Variants in NAA35 observed in about 807,000 individuals in gnomAD.
NAA35 encodes the protein N-alpha-acetyltransferase 35, NatC auxiliary subunit.
Under a neutral mutation model 101.7 loss-of-function variants are expected in NAA35, and 18 were observed. The observed-to-expected ratio is 0.18, with a 90% CI of 0.12 to 0.26. NAA35 has a LOEUF of 0.26. NAA35 is among the 10% of genes least tolerant of loss of function. NAA35 has a pLI of 1.00. For synonymous variants in NAA35, 267 were observed against 273.1 expected, an observed-to-expected ratio of 0.98 and a Z score of 0.22; for missense variants, 601 against 886.8, an observed-to-expected ratio of 0.68 and a Z score of 4.09.
intron 15 of NAA35, among the ~76,000 whole-genome samples, chr9:86,010,431 C>G (rs972602075): frequency 3.3e-5 from 5 of 151,628 alleles, no homozygotes; most frequent in Non-Finnish European, 7.4e-5. Flanking sequence ...CAGAGGCAGC[C>G]TTGGATGACC....
intron 5 of NAA35, among the ~76,000 whole-genome samples, chr9:85,961,762 T>C (rs1829523984): frequency 6.6e-6 from 1 of 152,210 alleles, no homozygotes; most frequent in African/African-American, 2.4e-5. Context: ...TTTTGGATGC[T>C]ACATAAAGAG....
At chr9:86,020,501 AT>A (rs1287570263) in intron 21 of NAA35, among the ~76,000 whole-genome samples, 1 of 152,172 alleles carries the variant, frequency 6.6e-6, no homozygotes. Context: ...CTTTTATTTA[AT>A]AAAACATCAA....
At position 85,942,039 on chromosome 9, in the gene NAA35, C is replaced by T. The variant is rs944342531; in HGVS notation, c.-5-116C>T. 11 of 1,446,090 alleles carry T rather than the reference C, an allele frequency of 7.6e-6. No homozygotes were observed. In the African/African-American group the frequency reaches 1.4e-4, roughly 19 times the overall value. 89.6% of individuals were successfully genotyped at this position (1,446,090 alleles called of 1,614,324 possible). On this transcript the variant is annotated intron_variant, in intron 1 of 22. Coordinates refer to ENST00000361671, the MANE Select transcript of NAA35 (RefSeq NM_024635.4). ...TACTGTCCTTAGACTCAGAAGAGTT[C>T]TGCTTTAAAGAGTTTAGTTAAGACT...
Position 85,992,042 on chromosome 9 carries a change from C to T in NAA35, c.878-4357C>T, listed in dbSNP as rs532911767. ...ACAAAAAAACAGCCGGGTGTGGTGG[C>T]GGGCGCCTGTAGTCCCAGCTACTCA... is the stretch of plus-strand genomic sequence containing the variant. On this transcript the variant is annotated intron_variant, in intron 11 of 22. Coordinates refer to ENST00000361671, the MANE Select transcript of NAA35 (RefSeq NM_024635.4). 9.9e-5 allele frequency among the ~76,000 whole-genome samples: 15 copies of T among 152,062 alleles called. No individual in the cohort carries two copies. The South Asian group carries it at 1.9e-3, about 19-fold the overall frequency.
chr9:86,011,439 A>G (rs1337638957), intron 15 of NAA35, among the ~76,000 whole-genome samples: 1 of 149,380 alleles, frequency 6.7e-6, no homozygotes, highest in African/African-American at 2.5e-5. Flanking sequence ...GCTCACTGCA[A>G]CCTCTACCCC....
chr9:85,987,498 A>G (rs1296093022), intron 11 of NAA35, among the ~76,000 whole-genome samples: 1 of 152,232 alleles, frequency 6.6e-6, no homozygotes, highest in East Asian at 1.9e-4. Context: ...GTACTAGGCC[A>G]TGATGTGCTA....
chr9:86,009,779 C>T (rs1256826059), intron 14 of NAA35, 86 bp from the exon 15 acceptor site: 3 of 918,220 alleles, frequency 3.3e-6, no homozygotes, highest in East Asian at 5.0e-5. Context: ...TATTCACCTT[C>T]TCTGTCATTT....
intron 6 of NAA35, among the ~76,000 whole-genome samples, chr9:85,971,471 C>T (rs1190780571): frequency 2.0e-5 from 3 of 152,178 alleles, no homozygotes; most frequent in Non-Finnish European, 4.4e-5. Context: ...CCTCCCTCCT[C>T]CATAACTGTT....
intron 17 of NAA35, among the ~76,000 whole-genome samples, chr9:86,016,128 T>C (rs530017014): frequency 6.7e-6 from 1 of 149,282 alleles, no homozygotes; most frequent in Admixed American, 6.6e-5. Context: ...TTTCATTTAT[T>C]AAATAAACTC....
chr9:86,005,937 C>A (rs559631551), intron 13 of NAA35, among the ~76,000 whole-genome samples: 1 of 151,652 alleles, frequency 6.6e-6, no homozygotes. Context: ...CTTTGGGAGG[C>A]GGAGGTGGTT....
chr9:86,020,838 A>T, intron 21 of NAA35, 51 bp from the exon 22 acceptor site: 2 of 1,459,350 alleles, frequency 1.4e-6, no homozygotes. Flanking sequence ...AGAAAAAGAG[A>T]AATTTTGACT....
rs147106131 is a variant in NAA35, at chr9:85,996,935, T to A, written c.1056+358T>A. Among the ~76,000 whole-genome samples, 762 of 152,138 alleles carry A rather than the reference T, an allele frequency of 5.0e-3. 4 individuals carry two copies. Among genetic ancestry groups the A allele is most frequent in the African/African-American group, 0.018 (728 of 41,510 alleles). ...GGTGTGATCTTGGCTCAAAGTGAAC[T>A]TAAACTCTTTTTTTTTTTTAATTTT... is the stretch of plus-strand genomic sequence containing the variant. On this transcript the variant is annotated intron_variant, in intron 12 of 22. Transcript: ENST00000361671.
chr9:85,941,191 G>GGGGGCGGCGGCGGCC lies in NAA35; in HGVS notation c.-86_-72dup, dbSNP rs1828494774. On this transcript the variant is annotated 5_prime_UTR_variant, in exon 1 of 23. Transcript: ENST00000361671. ...CCGGTCGGGCTGGGCTGAGAGGGGA[G>GGGGGCGGCGGCGGCC]GGGGCGGCGGCGGCCGAGGCGGCGT... is the stretch of plus-strand genomic sequence containing the variant. 6.1e-6 allele frequency: 6 copies of GGGGGCGGCGGCGGCC among 986,732 alleles called. No individual in the cohort carries two copies. Among genetic ancestry groups the GGGGGCGGCGGCGGCC allele is most frequent in the Non-Finnish European group, 7.2e-6 (6 of 830,926 alleles). 61.1% of individuals were successfully genotyped at this position (986,732 alleles called of 1,614,324 possible).
At chr9:85,951,152 A>T (rs968092034) in intron 2 of NAA35, among the ~76,000 whole-genome samples, 6 of 151,954 alleles carry the variant, frequency 3.9e-5, no homozygotes, top group Non-Finnish European at 8.8e-5. Context: ...AAAAAAAAAA[A>T]TGATAACCCG....
At chr9:85,966,115 T>G (rs1829734719) in intron 6 of NAA35, among the ~76,000 whole-genome samples, 1 of 152,082 alleles carries the variant, frequency 6.6e-6, no homozygotes, top group Non-Finnish European at 1.5e-5. Context: ...AATTTTTAAT[T>G]TTTTTTGTAA....
At chr9:86,009,008 C>T (rs1831774943) in intron 14 of NAA35, among the ~76,000 whole-genome samples, 1 of 152,168 alleles carries the variant, frequency 6.6e-6, no homozygotes, top group Non-Finnish European at 1.5e-5. Context: ...CTAGGGTCTT[C>T]TAGAGCTCTC....
chr9:85,955,611 C>T (rs1390156226), intron 2 of NAA35, among the ~76,000 whole-genome samples: 2 of 152,060 alleles, frequency 1.3e-5, no homozygotes, highest in Non-Finnish European at 2.9e-5. Context: ...GATCCACCCG[C>T]CTTGGCCTCC....
intron 14 of NAA35, among the ~76,000 whole-genome samples, chr9:86,009,003 G>A (rs951538467): frequency 6.6e-6 from 1 of 152,046 alleles, no homozygotes; most frequent in African/African-American, 2.4e-5. Context: ...GCATACTAGG[G>A]TCTTCTAGAG....
intron 21 of NAA35, among the ~76,000 whole-genome samples, chr9:86,019,465 A>G (rs188040519): frequency 4.9e-4 from 75 of 152,366 alleles, no homozygotes; most frequent in Non-Finnish European, 8.7e-4. Flanking sequence ...ATCTCAAAAA[A>G]GAATTATTAA....
Sources: gnomAD v4.1 joint callset for allele counts (sites outside exome capture counted in the v4.1 genomes callset) on GRCh38, gnomAD v4.1.1 for gene constraint, MANE v1.5 for transcripts, NCBI Gene and HGNC (gene_info 2026-07-23, HGNC 2026-07-21) for gene names.